SHISA9: variants seen among roughly 807,000 people sequenced by gnomAD.
The protein encoded by SHISA9 is protein shisa-9.
SHISA9 carries 13 observed loss-of-function variants against 38.0 expected under a neutral mutation model. That is an observed-to-expected ratio of 0.34 (90% CI 0.22 to 0.54). SHISA9 has a LOEUF of 0.54. SHISA9 is among the 20% of genes least tolerant of loss of function. SHISA9 has a pLI of 0.91. For synonymous variants in SHISA9, 275 were observed against 242.0 expected, an observed-to-expected ratio of 1.14 and a Z score of -1.27; for missense variants, 538 against 575.8, an observed-to-expected ratio of 0.93 and a Z score of 0.67.
chr16:13,447,488 C>T, the SHISA9 span, among the ~76,000 whole-genome samples: 6 of 152,178 alleles, frequency 3.9e-5, no homozygotes, highest in Admixed American at 2.6e-4. Context: ...CCCAGCAATG[C>T]GGGGCAGACA....
intron 2 of SHISA9, among the ~76,000 whole-genome samples, chr16:13,132,311 G>T (rs1414674116): frequency 6.6e-6 from 1 of 152,160 alleles, no homozygotes; most frequent in African/African-American, 2.4e-5. Context: ...GCACTTAGAA[G>T]AGTGTCTGAT....
chr16:13,188,793 A>AGAAAAG (rs1349802762), intron 2 of SHISA9, among the ~76,000 whole-genome samples: 1 of 152,052 alleles, frequency 6.6e-6, no homozygotes, highest in African/African-American at 2.4e-5. Flanking sequence ...TGAGTAAGGA[A>AGAAAAG]GAAAAGGAAA....
intron 2 of SHISA9, among the ~76,000 whole-genome samples, chr16:13,085,312 G>C (rs2073698405): frequency 6.6e-6 from 1 of 151,780 alleles, no homozygotes; most frequent in African/African-American, 2.4e-5. Context: ...AATTATTAAG[G>C]AAGAGCTAAT....
chr16:13,338,011 A>C, the SHISA9 span, among the ~76,000 whole-genome samples: 2 of 152,196 alleles, frequency 1.3e-5, no homozygotes, highest in Non-Finnish European at 2.9e-5. Context: ...GTAGTTCTTA[A>C]TAGCAATGCA....
chr16:13,122,725 A>G (rs553873880), intron 2 of SHISA9, among the ~76,000 whole-genome samples: 1 of 152,326 alleles, frequency 6.6e-6, no homozygotes, highest in African/African-American at 2.4e-5. Context: ...TCATACTCAA[A>G]CCATATTATT....
the SHISA9 span, among the ~76,000 whole-genome samples, chr16:13,342,758 A>G: frequency 6.6e-6 from 1 of 152,112 alleles, no homozygotes; most frequent in African/African-American, 2.4e-5. Context: ...ATGGTCCATT[A>G]TTTGCAATCA....
chr16:13,000,503 C>T (rs1373549048), intron 2 of SHISA9, among the ~76,000 whole-genome samples: 1 of 152,170 alleles, frequency 6.6e-6, no homozygotes, highest in Non-Finnish European at 1.5e-5. Flanking sequence ...GTCAGTTGGT[C>T]ACTGGCTCTG....
At chr16:13,454,232 G>T in the SHISA9 span, among the ~76,000 whole-genome samples, 3 of 152,302 alleles carry the variant, frequency 2.0e-5, no homozygotes, top group South Asian at 4.1e-4. Context: ...TATAACGTGG[G>T]TTTGTTTCGG....
chr16:13,087,546 T>C (rs1596639459), intron 2 of SHISA9, among the ~76,000 whole-genome samples: 2 of 152,196 alleles, frequency 1.3e-5, no homozygotes, highest in South Asian at 4.1e-4. Context: ...TATCTCATTG[T>C]GGTTTTGATT....
intron 2 of SHISA9, among the ~76,000 whole-genome samples, chr16:13,193,394 C>A (rs2050905724): frequency 6.6e-6 from 1 of 152,130 alleles, no homozygotes; most frequent in Non-Finnish European, 1.5e-5. Context: ...CTCTGTTGCT[C>A]AGGCTGGAGC....
At chr16:12,969,599 T>C (rs2072028548) in intron 2 of SHISA9, among the ~76,000 whole-genome samples, 1 of 151,944 alleles carries the variant, frequency 6.6e-6, no homozygotes, top group Non-Finnish European at 1.5e-5. Context: ...ACAGAAAAAT[T>C]AGCTGGGAGT....
At chr16:13,471,184 G>A in the SHISA9 span, among the ~76,000 whole-genome samples, 2 of 152,050 alleles carry the variant, frequency 1.3e-5, no homozygotes, top group African/African-American at 4.8e-5. Flanking sequence ...TCAGCTGATG[G>A]AGAGAAAACA....
chr16:13,372,679 A>G, the SHISA9 span, among the ~76,000 whole-genome samples: 2 of 152,236 alleles, frequency 1.3e-5, no homozygotes, highest in African/African-American at 4.8e-5. Flanking sequence ...GATAACCATG[A>G]CTAATATTTA....
chr16:13,326,153 G>A, the SHISA9 span, among the ~76,000 whole-genome samples: 1 of 151,824 alleles, frequency 6.6e-6, no homozygotes, highest in Admixed American at 6.6e-5. Flanking sequence ...CAGACAGAGA[G>A]AGAAAATTCT....
At chr16:13,511,188 C>A in the SHISA9 span, among the ~76,000 whole-genome samples, 1 of 152,048 alleles carries the variant, frequency 6.6e-6, no homozygotes, top group Non-Finnish European at 1.5e-5. Flanking sequence ...GAAATAAGAC[C>A]CTTGTACTTC....
chr16:13,083,906 ATGGATACAATC>A (rs2073682196), intron 2 of SHISA9, among the ~76,000 whole-genome samples: 1 of 152,162 alleles, frequency 6.6e-6, no homozygotes, highest in African/African-American at 2.4e-5. Flanking sequence ...CCACACCATG[ATGGATACAATC>A]TGGTTTCAAA....
intron 2 of SHISA9, among the ~76,000 whole-genome samples, chr16:12,959,315 G>A (rs188514121): frequency 2.2e-4 from 34 of 152,326 alleles, no homozygotes; most frequent in African/African-American, 7.7e-4. Context: ...GTTAGCTTCA[G>A]TAGGAAAGAT....
At position 12,902,560 on chromosome 16, in the gene SHISA9, C is replaced by G. The variant is rs753522005; in HGVS notation, c.496C>G (p.Leu166Val). ...CTGCGGGGTGGTGGCCGTCATGGTG[C>G]TCGTGGGCATCTTCACCAAGCTGGG... ...IICGVVAVMV[L>V]VGIFTKLGLE... The change falls in exon 1 of 5, where the codon CTC becomes GTC. Residue 166 changes from leucine (L) to valine (V), a missense_variant. Transcript: ENST00000558583. The G allele has an allele frequency of 6.4e-7, 1 of 1,551,308 alleles. No individual in the cohort carries two copies. The highest frequency in any genetic ancestry group is 8.7e-7 in the Non-Finnish European group (1 of 1,146,982).
the SHISA9 span, among the ~76,000 whole-genome samples, chr16:13,281,056 C>A: frequency 1.3e-5 from 2 of 151,564 alleles, no homozygotes; most frequent in African/African-American, 2.4e-5. Context: ...AGATACTGTG[C>A]GAGTCACATT....
Sources: allele counts gnomAD v4.1 joint callset (sites outside exome capture counted in the v4.1 genomes callset), GRCh38; gene constraint gnomAD v4.1.1; transcripts MANE v1.5; gene names NCBI Gene and HGNC (gene_info 2026-07-23, HGNC 2026-07-21).